The following OCA2 variants were observed in gnomAD, a reference collection of about 807,000 sequenced individuals.
OCA2 encodes OCA2 melanosomal transmembrane protein, also known as P protein.
Under a neutral mutation model 100.2 loss-of-function variants are expected in OCA2, and 77 were observed. The ratio of observed to expected loss-of-function variants is 0.77; its 90% confidence interval spans 0.64 to 0.93. The LOEUF is 0.93. Among genes scored for constraint, OCA2 ranks in the 40% least tolerant of loss-of-function variants. OCA2 has a pLI of 0.00. For missense variants in OCA2, 1,062 were observed against 1,089.1 expected, an observed-to-expected ratio of 0.98 and a Z score of 0.35; for synonymous variants, 432 against 439.2, an observed-to-expected ratio of 0.98 and a Z score of 0.21.
At chr15:27,724,310 C>G in the OCA2 span, among the ~76,000 whole-genome samples, 8 of 152,044 alleles carry the variant, frequency 5.3e-5, no homozygotes, top group African/African-American at 1.7e-4. Context: ...GAGTTAGCCC[C>G]GGGCCTCTCC....
At chr15:27,803,197 ACG>A (rs1462376560) in intron 23 of OCA2, among the ~76,000 whole-genome samples, 2 of 67,500 alleles carry the variant, frequency 3.0e-5, no homozygotes, top group South Asian at 1.0e-3. Context: ...TTAAACCACG[ACG>A]AGACAAAATA....
intron 2 of OCA2, among the ~76,000 whole-genome samples, chr15:28,073,965 G>A (rs900048971): frequency 6.6e-6 from 1 of 151,124 alleles, no homozygotes; most frequent in African/African-American, 2.4e-5. Flanking sequence ...TTATAGTAGA[G>A]GTTACATAAA....
At chr15:27,775,298 G>A (rs2032146547) in intron 23 of OCA2, among the ~76,000 whole-genome samples, 1 of 152,132 alleles carries the variant, frequency 6.6e-6, no homozygotes, top group South Asian at 2.1e-4. Flanking sequence ...CTCGTCCTCT[G>A]TCACGTGTTC....
intron 23 of OCA2, among the ~76,000 whole-genome samples, chr15:27,767,350 G>C (rs1165630653): frequency 6.6e-6 from 1 of 152,210 alleles, no homozygotes; most frequent in Non-Finnish European, 1.5e-5. Flanking sequence ...AACAGCAGTT[G>C]GGGTGTCCTG....
At chr15:27,734,657 A>T in the OCA2 span, among the ~76,000 whole-genome samples, 2 of 152,226 alleles carry the variant, frequency 1.3e-5, 1 homozygote, top group African/African-American at 4.8e-5. Context: ...TATGCTGGTT[A>T]TAATAGGCCT....
intron 19 of OCA2, among the ~76,000 whole-genome samples, chr15:27,902,710 T>C (rs1292167918): frequency 6.6e-6 from 1 of 152,058 alleles, no homozygotes; most frequent in Admixed American, 6.5e-5. Flanking sequence ...ACTTTGGAGA[T>C]TTAGGAAAGG....
the OCA2 span, among the ~76,000 whole-genome samples, chr15:27,722,718 C>T: frequency 1.1e-5 from 1 of 93,060 alleles, no homozygotes; most frequent in African/African-American, 3.6e-5. Flanking sequence ...CTTTCTTTCT[C>T]TCTTTCTTCT....
intron 18 of OCA2, among the ~76,000 whole-genome samples, chr15:27,946,857 G>A (rs1011138902): frequency 2.0e-5 from 3 of 152,166 alleles, no homozygotes; most frequent in Non-Finnish European, 2.9e-5. Flanking sequence ...GCCTTTCTGT[G>A]TGAAAACTGG....
intron 17 of OCA2, 91 bp from the exon 18 acceptor site, chr15:27,951,983 T>C (rs541152786): frequency 9.0e-6 from 8 of 892,076 alleles, no homozygotes; most frequent in Non-Finnish European, 1.5e-5. Flanking sequence ...TCACGACAGA[T>C]TTCACGAGGA....
In OCA2 at chr15:28,070,310, T is replaced by TG. The variant is rs1206639739; in HGVS notation, c.227+11337dup. Among the ~76,000 whole-genome samples the TG allele has an allele frequency of 2.1e-3, 246 of 114,532 alleles. 2 individuals are homozygous for TG. The highest frequency in any genetic ancestry group is 0.011 in the South Asian group (34 of 3,188). 75.1% of individuals were successfully genotyped at this position (114,532 alleles called of 152,430 possible). On this transcript the variant is annotated intron_variant, in intron 2 of 23. Transcript: ENST00000354638. ...GCAGCCACCCCGTCCGGGAGGGAGG[T>TG]GGGGGGGGGTCAGCCCCCCGCCCGG...
At chr15:28,058,299 G>A (rs973449712) in intron 2 of OCA2, among the ~76,000 whole-genome samples, 2 of 152,232 alleles carry the variant, frequency 1.3e-5, no homozygotes, top group South Asian at 2.1e-4. Context: ...GGGCCTGGCT[G>A]CTGCCACCCT....
intron 9 of OCA2, among the ~76,000 whole-genome samples, chr15:27,998,966 G>A (rs1163603955): frequency 5.9e-4 from 89 of 150,052 alleles, no homozygotes; most frequent in African/African-American, 1.4e-3. Flanking sequence ...ACCAAACACC[G>A]CATGTTCTCA....
the OCA2 span, among the ~76,000 whole-genome samples, chr15:27,719,215 T>C: frequency 1.3e-5 from 2 of 152,194 alleles, no homozygotes; most frequent in Non-Finnish European, 2.9e-5. Flanking sequence ...GATGAAGATG[T>C]CTTCAGGGTT....
chr15:27,769,241 C>T (rs1485926689), intron 23 of OCA2, among the ~76,000 whole-genome samples: 4 of 152,242 alleles, frequency 2.6e-5, no homozygotes, highest in Non-Finnish European at 5.9e-5. Flanking sequence ...AGGGAAGGCA[C>T]TTGCGTGTCA....
chr15:28,081,573 G>C (rs1218901646), intron 2 of OCA2, 75 bp downstream of exon 2: 14 of 1,423,230 alleles, frequency 9.8e-6, no homozygotes, highest in Admixed American at 5.7e-5. Context: ...CACAACAAAC[G>C]TGGGGGAACG....
intron 2 of OCA2, among the ~76,000 whole-genome samples, chr15:28,074,669 G>A (rs112034006): frequency 0.046 from 5,548 of 120,708 alleles, 445 homozygotes; most frequent in African/African-American, 0.18. Context: ...GCGAGACTCC[G>A]TCTCAAAAAA....
chr15:27,993,154 T>C (rs1051318569), intron 9 of OCA2, among the ~76,000 whole-genome samples: 2 of 152,074 alleles, frequency 1.3e-5, no homozygotes, highest in African/African-American at 4.8e-5. Flanking sequence ...TGAAGAGCCA[T>C]GACTGCCAGC....
chr15:28,076,442 G>A (rs1349011516), intron 2 of OCA2, among the ~76,000 whole-genome samples: 2 of 151,964 alleles, frequency 1.3e-5, no homozygotes, highest in East Asian at 3.8e-4. Flanking sequence ...ATTTTGAAAG[G>A]GCAAATTTCA....
At chr15:28,031,923 A>T in intron 3 of OCA2, 142 bp downstream of exon 3, 1 of 735,366 alleles carries the variant, frequency 1.4e-6, no homozygotes, top group Non-Finnish European at 2.5e-6. Context: ...CGGAATCATG[A>T]ACATCTACTA....
Sources: gnomAD v4.1 joint callset for allele counts (sites outside exome capture counted in the v4.1 genomes callset) on GRCh38, gnomAD v4.1.1 for gene constraint, MANE v1.5 for transcripts, NCBI Gene and HGNC (gene_info 2026-07-23, HGNC 2026-07-21) for gene names.